The following ANKRD30BL variants were observed in gnomAD, a reference collection of about 807,000 sequenced individuals.
ANKRD30BL encodes putative ankyrin repeat domain-containing protein 30B-like.
Under a neutral mutation model 18.4 loss-of-function variants are expected in ANKRD30BL, and 20 were observed. The ratio of observed to expected loss-of-function variants is 1.09; its 90% CI spans 0.77 to 1.58. The LOEUF (loss-of-function observed/expected upper bound fraction) is 1.58. Ranked by LOEUF, ANKRD30BL falls within the 40% of genes most tolerant of loss-of-function variation. ANKRD30BL has a pLI of 0.00. For missense variants in ANKRD30BL, 224 were observed against 268.6 expected, an observed-to-expected ratio of 0.83 and a Z score of 1.16; for synonymous variants, 72 against 100.9, an observed-to-expected ratio of 0.71 and a Z score of 1.72.
chr2:132,187,198 T>TTTTTTTTTTTTG (rs1688580731), intron 1 of ANKRD30BL, among the ~76,000 whole-genome samples: 1 of 144,578 alleles, frequency 6.9e-6, no homozygotes, highest in African/African-American at 2.6e-5. Flanking sequence ...GTTTTTTTTT[T>TTTTTTTTTTTTG]TTTTTTTTTT....
chr2:132,254,679 G>A (rs1462140007), intron 1 of ANKRD30BL, among the ~76,000 whole-genome samples: 2 of 152,184 alleles, frequency 1.3e-5, no homozygotes, highest in South Asian at 4.1e-4. Flanking sequence ...AGTCAGTGTA[G>A]CGCGCGTGCA....
chr2:132,239,874 A>G (rs780957664), intron 1 of ANKRD30BL, among the ~76,000 whole-genome samples: 1 of 152,134 alleles, frequency 6.6e-6, no homozygotes, highest in Non-Finnish European at 1.5e-5. Flanking sequence ...CTCAACTCAC[A>G]GAGTTGAACC....
chr2:132,188,433 C>T (rs887134213), intron 1 of ANKRD30BL, among the ~76,000 whole-genome samples: 5 of 152,134 alleles, frequency 3.3e-5, no homozygotes, highest in African/African-American at 9.7e-5. Flanking sequence ...ATCAAATTAG[C>T]GGGCAGGGCG....
chr2:132,184,978 A>T (rs1387215608), intron 1 of ANKRD30BL, among the ~76,000 whole-genome samples: 1 of 151,968 alleles, frequency 6.6e-6, no homozygotes, highest in African/African-American at 2.4e-5. Context: ...ATGCTCGGCT[A>T]ATTTTTTGTA....
intron 1 of ANKRD30BL, among the ~76,000 whole-genome samples, chr2:132,231,869 C>A (rs1294486341): frequency 6.6e-6 from 1 of 152,240 alleles, no homozygotes; most frequent in Admixed American, 6.5e-5. Flanking sequence ...CCTCTGTAGG[C>A]TCCACCTCTG....
chr2:132,255,105 C>A (rs1433952421), intron 1 of ANKRD30BL, among the ~76,000 whole-genome samples: 1 of 152,218 alleles, frequency 6.6e-6, no homozygotes, highest in African/African-American at 2.4e-5. Flanking sequence ...AATAACACCG[C>A]CACATCGCCA....
At chr2:132,175,827 C>A (rs577266704) in intron 1 of ANKRD30BL, among the ~76,000 whole-genome samples, 1 of 152,296 alleles carries the variant, frequency 6.6e-6, no homozygotes, top group South Asian at 2.1e-4. Flanking sequence ...CTGCACAGCC[C>A]TAGATCCCTT....
In ANKRD30BL at chr2:132,231,701, C is replaced by T. The variant is rs192910883; in HGVS notation, n.441+25828G>A. ...TCGGAGGGTCCTACACCCACGGAGT[C>T]TCGCTGATTGCTAGCACAGCAGTCT... On this transcript the variant is annotated intron_variant and non_coding_transcript_variant, in intron 1 of 4. Coordinates refer to the ANKRD30BL transcript ENST00000470729. 8.3e-3 allele frequency among the ~76,000 whole-genome samples: 1,258 copies of T among 152,248 alleles called. 14 individuals carry two copies. Among genetic ancestry groups the T allele is most frequent in the African/African-American group, 0.028 (1,172 of 41,544 alleles).
chr2:132,252,870 A>G (rs1244598660), intron 1 of ANKRD30BL, among the ~76,000 whole-genome samples: 4 of 152,168 alleles, frequency 2.6e-5, no homozygotes, highest in African/African-American at 7.2e-5. Flanking sequence ...GATGGTGGCC[A>G]CAGGAACTCG....
chr2:132,218,164 T>C (rs1679559934), intron 1 of ANKRD30BL, among the ~76,000 whole-genome samples: 1 of 152,280 alleles, frequency 6.6e-6, no homozygotes, highest in South Asian at 2.1e-4. Flanking sequence ...TTTTTTGTGA[T>C]GTGTGCATTC....
rs188174964 is a variant in ANKRD30BL at position 132,178,282 on chromosome 2, A to G, written n.442-21136T>C. Among the ~76,000 whole-genome samples the G allele has an allele frequency of 3.6e-3, 545 of 152,366 alleles. 5 individuals carry two copies. The highest frequency in any genetic ancestry group is 0.012 in the African/African-American group (503 of 41,582). On this transcript the variant is annotated intron_variant and non_coding_transcript_variant, in intron 1 of 4. Transcript: ENST00000470729. ...AGAGTAATGTATGTGCTAAATTATG[A>G]CATATACAATAAAGTCTGTGGGAAC... is the stretch of plus-strand genomic sequence containing the variant.
At chr2:132,245,142 T>C (rs1482270375) in intron 1 of ANKRD30BL, among the ~76,000 whole-genome samples, 1 of 152,184 alleles carries the variant, frequency 6.6e-6, no homozygotes, top group African/African-American at 2.4e-5. Flanking sequence ...AAGCTGCTTT[T>C]TGATGTGTGT....
intron 1 of ANKRD30BL, among the ~76,000 whole-genome samples, chr2:132,243,599 T>C (rs1329498364): frequency 2.6e-5 from 4 of 151,810 alleles, no homozygotes; most frequent in African/African-American, 9.7e-5. Flanking sequence ...TCTCAGAAAC[T>C]TCTTTGTGAT....
At chr2:132,224,368 C>T (rs1679783656) in intron 1 of ANKRD30BL, among the ~76,000 whole-genome samples, 1 of 151,992 alleles carries the variant, frequency 6.6e-6, no homozygotes, top group Admixed American at 6.6e-5. Context: ...ATTCCACTCA[C>T]AGAGTTGAAC....
intron 1 of ANKRD30BL, among the ~76,000 whole-genome samples, chr2:132,160,111 T>C (rs188483376): frequency 3.9e-5 from 6 of 152,286 alleles, no homozygotes; most frequent in Admixed American, 3.9e-4. Context: ...GTGATTTATT[T>C]ATTTATTTTT....
chr2:132,173,412 A>G (rs1193897723), intron 1 of ANKRD30BL, among the ~76,000 whole-genome samples: 7 of 149,296 alleles, frequency 4.7e-5, no homozygotes, highest in Admixed American at 3.4e-4. Context: ...CCATTCTCCT[A>G]CCTCAGCATC....
chr2:132,221,250 T>G (rs2104770383), intron 1 of ANKRD30BL, among the ~76,000 whole-genome samples: 1 of 139,914 alleles, frequency 7.1e-6, no homozygotes, highest in East Asian at 2.4e-4. Flanking sequence ...GGGGCTCCTC[T>G]GCCCGGCCGC....
chr2:132,182,738 T>C (rs377127371), intron 1 of ANKRD30BL, among the ~76,000 whole-genome samples: 3 of 152,024 alleles, frequency 2.0e-5, no homozygotes, highest in Non-Finnish European at 4.4e-5. Context: ...AAAATGATCA[T>C]TTATTTTTCC....
chr2:132,169,847 A>T (rs1224610891), intron 1 of ANKRD30BL, among the ~76,000 whole-genome samples: 1 of 151,992 alleles, frequency 6.6e-6, no homozygotes, highest in African/African-American at 2.4e-5. Flanking sequence ...ATATAAATTA[A>T]ACAGCCATTT....
Sources: gnomAD v4.1 joint callset for allele counts (sites outside exome capture counted in the v4.1 genomes callset) on GRCh38, gnomAD v4.1.1 for gene constraint, MANE v1.5 for transcripts, NCBI Gene and HGNC (gene_info 2026-07-23, HGNC 2026-07-21) for gene names.